The following RBPJ variants were observed in gnomAD, a reference collection of about 807,000 sequenced individuals.
RBPJ encodes recombination signal binding protein for immunoglobulin kappa J region.
In RBPJ, 9 loss-of-function variants were observed where a neutral mutation model predicts 67.8. That is an observed-to-expected ratio of 0.13 (90% CI 0.08 to 0.23). The LOEUF (loss-of-function observed/expected upper bound fraction) is 0.23, where lower values mean the gene tolerates loss of function less well. Among genes scored for constraint, RBPJ ranks in the 10% least tolerant of loss-of-function variants. RBPJ has a pLI of 1.00. For missense variants in RBPJ, 305 were observed against 595.6 expected (o/e 0.51, Z 5.08); for synonymous variants, 198 against 203.3 (o/e 0.97, Z 0.22).
upstream of RBPJ, among the ~76,000 whole-genome samples, chr4:26,162,758 A>G (rs1163922590): frequency 6.6e-6 from 1 of 152,222 alleles, no homozygotes; most frequent in African/African-American, 2.4e-5. Context: ...TTCAGAAACC[A>G]TCTGAAGAGG....
the RBPJ span, among the ~76,000 whole-genome samples, chr4:26,122,428 A>G: frequency 3.7e-4 from 57 of 152,232 alleles, no homozygotes; most frequent in Non-Finnish European, 1.2e-4. Flanking sequence ...CTGGCAGGCC[A>G]GAGAGCGACA....
At chr4:26,143,770 A>G in the RBPJ span, among the ~76,000 whole-genome samples, 1 of 152,138 alleles carries the variant, frequency 6.6e-6, no homozygotes, top group Non-Finnish European at 1.5e-5. Flanking sequence ...CTACAAAAAA[A>G]TAGGAAAATT....
intron 1 of RBPJ, among the ~76,000 whole-genome samples, chr4:26,200,510 A>C (rs1717944920): frequency 6.6e-6 from 1 of 152,142 alleles, no homozygotes; most frequent in African/African-American, 2.4e-5. Flanking sequence ...GTCTACAAAA[A>C]ATAAGAAGAA....
rs1473834839 is a variant in RBPJ at position 26,432,935 on chromosome 4, C to T, written c.*1928C>T. On this transcript the variant is annotated 3_prime_UTR_variant, in exon 11 of 11. Transcript: ENST00000355476. ...CTCACTCTATGCTCAGACTATGCCA[C>T]TGTAAATATTCTTCCTAACATCTTT... 6.6e-6 allele frequency: 1 copy of T among 152,280 alleles called. No individual in the cohort carries two copies. Among genetic ancestry groups the T allele is most frequent in the South Asian group, 2.1e-4 (1 of 4,824 alleles). 9.4% of individuals were successfully genotyped at this position (152,280 alleles called of 1,614,324 possible). A position where few individuals can be genotyped will look rare whatever the true frequency, so the allele number is the denominator to read the frequency against.
chr4:26,124,133 G>T, the RBPJ span, among the ~76,000 whole-genome samples: 1 of 151,740 alleles, frequency 6.6e-6, no homozygotes, highest in South Asian at 2.1e-4. Flanking sequence ...CGATTTGTGA[G>T]ATTATGGGAC....
chr4:26,401,533 T>G (rs1732798877), intron 2 of RBPJ, among the ~76,000 whole-genome samples: 2 of 152,236 alleles, frequency 1.3e-5, no homozygotes, highest in Non-Finnish European at 2.9e-5. Context: ...GTAGAAAGCA[T>G]TTGTGACTGC....
the RBPJ span, among the ~76,000 whole-genome samples, chr4:26,145,898 A>G: frequency 1.3e-5 from 2 of 152,166 alleles, no homozygotes; most frequent in Non-Finnish European, 2.9e-5. Context: ...CAGACTTGAG[A>G]GTCTAGAAAT....
chr4:26,204,002 T>C (rs533301946), intron 1 of RBPJ, among the ~76,000 whole-genome samples: 4 of 152,244 alleles, frequency 2.6e-5, no homozygotes, highest in Non-Finnish European at 5.9e-5. Context: ...TGGAGTGTAG[T>C]GGTGTGATCA....
At chr4:26,186,181 C>T (rs1228377234) in intron 1 of RBPJ, among the ~76,000 whole-genome samples, 4 of 146,222 alleles carry the variant, frequency 2.7e-5, no homozygotes, top group Non-Finnish European at 6.0e-5. Flanking sequence ...TTTCTGCTCC[C>T]CCCTTTTTTT....
In RBPJ at chr4:26,424,910, T is replaced by A; in HGVS notation, c.747+167T>A. The A allele has an allele frequency of 4.0e-6, 2 of 504,928 alleles. No homozygotes were observed. Among genetic ancestry groups the A allele is most frequent in the Non-Finnish European group, 7.0e-6 (2 of 286,616 alleles). The allele number at this position is 504,928 out of a possible 1,614,324, so 31.3% of individuals were successfully genotyped here. ...TTATAATTGACAGTTATGCTCTACC[T>A]TATTTCAGAAATGCTTTAAGGTAAT... On this transcript the variant is annotated intron_variant, in intron 7 of 10. Coordinates refer to ENST00000355476, the MANE Select transcript of RBPJ (RefSeq NM_015874.6). This position sits in a 1 kb window ranked among gnomAD's most constrained non-coding sequence, Gnocchi z 5.3.
the RBPJ span, chr4:26,113,270 G>T: frequency 2.8e-6 from 1 of 357,848 alleles, no homozygotes; most frequent in South Asian, 3.3e-5. Flanking sequence ...TCAGCAAGAA[G>T]TTACATCTCA....
At chr4:26,231,828 C>T (rs1230067614) in intron 1 of RBPJ, among the ~76,000 whole-genome samples, 2 of 151,754 alleles carry the variant, frequency 1.3e-5, no homozygotes, top group African/African-American at 4.8e-5. Context: ...GGATTATAAG[C>T]GTGAGCCACT....
At chr4:26,176,581 C>T (rs1397645569) in intron 1 of RBPJ, among the ~76,000 whole-genome samples, 8 of 152,238 alleles carry the variant, frequency 5.3e-5, no homozygotes, top group Admixed American at 5.2e-4. Context: ...CCTGTAAACA[C>T]TCAAGAAAAG....
intron 1 of RBPJ, among the ~76,000 whole-genome samples, chr4:26,312,140 AT>A (rs992899664): frequency 1.3e-5 from 2 of 149,994 alleles, no homozygotes; most frequent in Non-Finnish European, 3.0e-5. Context: ...ATTTTATTTT[AT>A]TTTTTTTTGA....
chr4:26,313,033 C>T (rs1251214455), intron 1 of RBPJ, among the ~76,000 whole-genome samples: 1 of 152,176 alleles, frequency 6.6e-6, no homozygotes, highest in Non-Finnish European at 1.5e-5. Context: ...AGTGATCCTC[C>T]CACCTCAGCC....
intron 1 of RBPJ, among the ~76,000 whole-genome samples, chr4:26,164,337 ATACACTTG>A (rs1364355109): frequency 6.6e-6 from 1 of 152,240 alleles, no homozygotes; most frequent in Admixed American, 6.5e-5. Context: ...TCACTTATAC[ATACACTTG>A]TACACCTATA....
At chr4:26,270,599 A>G (rs145030241) in intron 1 of RBPJ, among the ~76,000 whole-genome samples, 149 of 152,102 alleles carry the variant, frequency 9.8e-4, no homozygotes, top group African/African-American at 3.4e-3. Flanking sequence ...GAACCTCCAA[A>G]AGTTTTTATT....
intron 1 of RBPJ, among the ~76,000 whole-genome samples, chr4:26,179,180 TTACTC>T (rs1431515935): frequency 1.3e-5 from 2 of 151,934 alleles, no homozygotes; most frequent in Non-Finnish European, 2.9e-5. Flanking sequence ...CCTTTTTCCT[TTACTC>T]TCTCCTCCAG....
At chr4:26,128,299 G>T in the RBPJ span, among the ~76,000 whole-genome samples, 1 of 152,218 alleles carries the variant, frequency 6.6e-6, no homozygotes, top group South Asian at 2.1e-4. Flanking sequence ...GGCACTGAAA[G>T]TTTGCTGACT....
Sources: allele counts gnomAD v4.1 joint callset (sites outside exome capture counted in the v4.1 genomes callset), GRCh38; gene constraint gnomAD v4.1.1; non-coding constraint Gnocchi (gnomAD v3.1); transcripts MANE v1.5; gene names NCBI Gene and HGNC (gene_info 2026-07-23, HGNC 2026-07-21).